Variants in LRP1B observed in about 807,000 individuals in gnomAD.
LRP1B encodes the protein LDL receptor related protein 1B, also known as low-density lipoprotein receptor-related protein 1B.
In LRP1B, 217 loss-of-function variants were observed where a neutral mutation model predicts 556.6. The observed-to-expected ratio is 0.39, with a 90% CI of 0.35 to 0.44. The LOEUF (loss-of-function observed/expected upper bound fraction) is 0.44. LRP1B is among the 20% of genes least tolerant of loss of function. The pLI, the probability that LRP1B is intolerant of heterozygous loss-of-function variation, is 1.00. For synonymous variants in LRP1B, 2,047 were observed against 1,865.8 expected (o/e 1.10, Z -2.50); for missense variants, 5,053 against 5,620.8 (o/e 0.90, Z 3.23).
At chr2:141,711,326 G>A (rs895925982) in intron 2 of LRP1B, among the ~76,000 whole-genome samples, 5 of 152,182 alleles carry the variant, frequency 3.3e-5, no homozygotes, top group African/African-American at 9.6e-5. Context: ...GAGAAGTCAA[G>A]TAGTTCAACT....
chr2:140,887,341 G>A (rs560000056), intron 23 of LRP1B, among the ~76,000 whole-genome samples: 2 of 152,142 alleles, frequency 1.3e-5, no homozygotes, highest in Non-Finnish European at 2.9e-5. Context: ...TAGCTCTTAT[G>A]TTAGGTCTTT....
chr2:141,795,078 T>A (rs1695758079), intron 2 of LRP1B, among the ~76,000 whole-genome samples: 1 of 152,080 alleles, frequency 6.6e-6, no homozygotes, highest in Non-Finnish European at 1.5e-5. Context: ...TTTAGGTTGT[T>A]GAGAAGTAAA....
chr2:141,007,428 A>G (rs1205697046), intron 14 of LRP1B, among the ~76,000 whole-genome samples: 1 of 151,852 alleles, frequency 6.6e-6, no homozygotes, highest in Non-Finnish European at 1.5e-5. Flanking sequence ...GAAAGCCAAG[A>G]AAGCTAATAA....
intron 41 of LRP1B, among the ~76,000 whole-genome samples, chr2:140,609,894 T>A (rs1289088978): frequency 3.3e-5 from 5 of 152,156 alleles, no homozygotes. Context: ...CTGCTTAAAA[T>A]CCTTCAATGA....
rs186598578 is a variant in LRP1B, at chr2:141,217,126, A to T, written c.850+12057T>A. Reference sequence around the variant, plus strand: ...CCTACCAAATCTCATGTTAAATTGTAATCTCCAACGTTGGAGGTGGGTCCT... The same window carrying T: ...CCTACCAAATCTCATGTTAAATTGTTATCTCCAACGTTGGAGGTGGGTCCT... On this transcript the variant is annotated intron_variant, in intron 6 of 90. Coordinates refer to ENST00000389484, the MANE Select transcript of LRP1B (RefSeq NM_018557.3). Among the ~76,000 whole-genome samples, 371 of 152,258 alleles carry T rather than the reference A, an allele frequency of 2.4e-3. 1 individual carries two copies. Among genetic ancestry groups the T allele is most frequent in the African/African-American group, 7.9e-3 (328 of 41,540 alleles).
chr2:141,787,899 C>G (rs1361245485), intron 2 of LRP1B, among the ~76,000 whole-genome samples: 1 of 151,880 alleles, frequency 6.6e-6, no homozygotes, highest in South Asian at 2.1e-4. Context: ...TCTCTTTTTA[C>G]TTTTCCATAA....
At chr2:141,883,701 G>A (rs945937569) in intron 1 of LRP1B, among the ~76,000 whole-genome samples, 2 of 152,014 alleles carry the variant, frequency 1.3e-5, no homozygotes, top group African/African-American at 4.8e-5. Context: ...TTTAGCTTGG[G>A]TGACAGAATG....
chr2:141,413,708 T>C (rs1245832646), intron 3 of LRP1B, among the ~76,000 whole-genome samples: 1 of 151,362 alleles, frequency 6.6e-6, no homozygotes, highest in African/African-American at 2.4e-5. Context: ...TGGGTTTTTG[T>C]ATTATTGTAC....
intron 2 of LRP1B, among the ~76,000 whole-genome samples, chr2:141,789,215 T>C (rs892657446): frequency 5.1e-4 from 77 of 152,086 alleles, no homozygotes; most frequent in Admixed American, 1.2e-3. Flanking sequence ...GAAAACTAGA[T>C]GTTTTATAGG....
At chr2:142,044,023 A>T (rs1704157515) in intron 1 of LRP1B, among the ~76,000 whole-genome samples, 1 of 151,744 alleles carries the variant, frequency 6.6e-6, no homozygotes, top group Admixed American at 6.6e-5. Flanking sequence ...TATACTTTTA[A>T]TCTTCAATAA....
chr2:141,511,298 A>G (rs1460307651), intron 2 of LRP1B, among the ~76,000 whole-genome samples: 11 of 152,142 alleles, frequency 7.2e-5, no homozygotes, highest in Non-Finnish European at 1.5e-5. Flanking sequence ...AAATTTCACA[A>G]TTTTATGAGC....
At chr2:141,400,488 T>C (rs1437878536) in intron 3 of LRP1B, among the ~76,000 whole-genome samples, 4 of 152,208 alleles carry the variant, frequency 2.6e-5, no homozygotes, top group East Asian at 3.9e-4. Flanking sequence ...CAAGGAATTA[T>C]AGTAGTGGCT....
At chr2:141,824,423 G>A (rs546982578) in intron 1 of LRP1B, among the ~76,000 whole-genome samples, 1 of 152,084 alleles carries the variant, frequency 6.6e-6, no homozygotes, top group Non-Finnish European at 1.5e-5. Context: ...GCAGTGGCGC[G>A]ATCTCGGCTC....
chr2:141,943,090 A>T (rs747277984), intron 1 of LRP1B, among the ~76,000 whole-genome samples: 10 of 152,210 alleles, frequency 6.6e-5, no homozygotes, highest in Non-Finnish European at 1.0e-4. Flanking sequence ...TTAAAAGGAG[A>T]AAGTTGTGTA....
In LRP1B at chr2:141,517,029, A is replaced by AAAAAAAAAAAAAAAAAAAAAAAC. The variant is rs772472942; in HGVS notation, c.206-36497_206-36496insGTTTTTTTTTTTTTTTTTTTTTT. Among the ~76,000 whole-genome samples, 5 of 90,174 alleles carry AAAAAAAAAAAAAAAAAAAAAAAC rather than the reference A, an allele frequency of 5.5e-5. 1 individual carries two copies. The highest frequency in any genetic ancestry group is 8.5e-5 in the Non-Finnish European group (4 of 46,902). The allele number at this position is 90,174 out of a possible 152,430, so 59.2% of individuals were successfully genotyped here. A position where few individuals can be genotyped will look rare whatever the true frequency, so the allele number is the denominator to read the frequency against. ...TAAAAAAAAAAAAAAAAAAAAAAAA[A>AAAAAAAAAAAAAAAAAAAAAAAC]AAAGTAAATCAATGAAATAATTTAA... On this transcript the variant is annotated intron_variant, in intron 2 of 90. Coordinates refer to ENST00000389484, the MANE Select transcript of LRP1B (RefSeq NM_018557.3).
intron 31 of LRP1B, among the ~76,000 whole-genome samples, chr2:140,823,240 G>T (rs1216114513): frequency 1.3e-5 from 2 of 152,214 alleles, no homozygotes; most frequent in Non-Finnish European, 2.9e-5. Flanking sequence ...AAAATAAAAT[G>T]TATAATCTGA....
chr2:140,862,263 T>C (rs1692822349), intron 27 of LRP1B, among the ~76,000 whole-genome samples: 1 of 152,064 alleles, frequency 6.6e-6, no homozygotes, highest in South Asian at 2.1e-4. Flanking sequence ...GTTTGTACGG[T>C]TGGAAAAAAA....
intron 2 of LRP1B, among the ~76,000 whole-genome samples, chr2:141,703,797 G>C (rs1411071221): frequency 6.6e-6 from 1 of 151,826 alleles, no homozygotes; most frequent in African/African-American, 2.4e-5. Flanking sequence ...TCTGGCAGGG[G>C]GTTACATCGG....
At chr2:142,050,188 A>T (rs1704406432) in intron 1 of LRP1B, among the ~76,000 whole-genome samples, 1 of 152,136 alleles carries the variant, frequency 6.6e-6, no homozygotes, top group Admixed American at 6.6e-5. Flanking sequence ...ACAGAGAGAA[A>T]TTTCATATAT....
Sources: allele counts gnomAD v4.1 joint callset (sites outside exome capture counted in the v4.1 genomes callset), GRCh38; gene constraint gnomAD v4.1.1; transcripts MANE v1.5; gene names NCBI Gene and HGNC (gene_info 2026-07-23, HGNC 2026-07-21).